TNNI3K: variants seen among roughly 807,000 people sequenced by gnomAD.
TNNI3K encodes TNNI3 interacting kinase.
Under a neutral mutation model 114.5 loss-of-function variants are expected in TNNI3K, and 140 were observed. That is an observed-to-expected ratio of 1.22 (90% CI 1.07 to 1.41). TNNI3K has a LOEUF of 1.41. Among genes scored for constraint, TNNI3K ranks in the 40% most tolerant of loss-of-function variants. TNNI3K has a pLI of 0.00. For synonymous variants in TNNI3K, 347 were observed against 347.5 expected (o/e 1.00, Z 0.02); for missense variants, 1,125 against 1,007.6 (o/e 1.12, Z -1.58).
At chr1:74,479,777 G>C (rs368983293) in intron 21 of TNNI3K, among the ~76,000 whole-genome samples, 2 of 152,286 alleles carry the variant, frequency 1.3e-5, no homozygotes, top group South Asian at 4.1e-4. Flanking sequence ...CTATCTCCTA[G>C]TGTCATAACA....
In TNNI3K at chr1:74,351,479, C is replaced by T. The variant is rs946540229; in HGVS notation, c.933-1787C>T. Among the ~76,000 whole-genome samples, 140 of 152,044 alleles carry T rather than the reference C, an allele frequency of 9.2e-4. 2 individuals are homozygous for T. Among genetic ancestry groups the T allele is most frequent in the African/African-American group, 2.8e-3 (116 of 41,444 alleles). ...CTCTTCTCGGGGAGTATCTTTGTGGCGTTCTCTGTATTTCCTGAATTTGAA... is the reference window on the plus strand; with the variant it reads ...CTCTTCTCGGGGAGTATCTTTGTGGTGTTCTCTGTATTTCCTGAATTTGAA... On this transcript the variant is annotated intron_variant, in intron 9 of 24. Transcript: ENST00000326637.
At chr1:74,435,737 T>G (rs1289826904) in intron 17 of TNNI3K, among the ~76,000 whole-genome samples, 2 of 151,802 alleles carry the variant, frequency 1.3e-5, no homozygotes, top group Non-Finnish European at 2.9e-5. Context: ...CCCATGATGC[T>G]TTTCACTCTT....
intron 20 of TNNI3K, 113 bp downstream of exon 20, chr1:74,439,735 G>A (rs373923536): frequency 6.8e-7 from 1 of 1,473,496 alleles, no homozygotes; most frequent in Non-Finnish European, 9.1e-7. Context: ...TGGCAAAAGA[G>A]GAGGTAAGCA....
At chr1:74,382,554 G>A (rs1163053294) in intron 17 of TNNI3K, among the ~76,000 whole-genome samples, 2 of 152,196 alleles carry the variant, frequency 1.3e-5, no homozygotes, top group Non-Finnish European at 2.9e-5. Context: ...ACTAAATGAT[G>A]TGGGAAACAG....
At chr1:74,512,907 CA>C in intron 23 of TNNI3K, among the ~76,000 whole-genome samples, 1 of 152,228 alleles carries the variant, frequency 6.6e-6, no homozygotes, top group Admixed American at 6.5e-5. Flanking sequence ...ACTATGTGAT[CA>C]CCTAAAGCTG....
rs985705266 is a variant in TNNI3K, at chr1:74,417,273, T to C, written c.1773-18807T>C. ...GACAGGAGCAGAATTGACTGCCGTG[T>C]TGGCTATATTTCATGTACTTCCCTG... On this transcript the variant is annotated intron_variant, in intron 17 of 24. Coordinates refer to ENST00000326637, the MANE Select transcript of TNNI3K (RefSeq NM_015978.3). Among the ~76,000 whole-genome samples the C allele has an allele frequency of 2.0e-5, 3 of 152,146 alleles. No individual in the cohort carries two copies. In the East Asian group the frequency reaches 5.8e-4, roughly 30 times the overall value.
intron 7 of TNNI3K, among the ~76,000 whole-genome samples, chr1:74,338,916 G>A (rs947981529): frequency 3.3e-5 from 5 of 152,100 alleles, no homozygotes; most frequent in Admixed American, 6.6e-5. Flanking sequence ...TGTTTAAGCA[G>A]TCTGTTTCAT....
At chr1:74,292,297 T>G (rs1657729362) in intron 5 of TNNI3K, among the ~76,000 whole-genome samples, 1 of 151,548 alleles carries the variant, frequency 6.6e-6, no homozygotes, top group Non-Finnish European at 1.5e-5. Context: ...TTCTAATTTC[T>G]TAAGATGGAT....
chr1:74,314,561 A>G (rs571413385), intron 5 of TNNI3K, among the ~76,000 whole-genome samples: 1 of 152,130 alleles, frequency 6.6e-6, no homozygotes, highest in African/African-American at 2.4e-5. Context: ...GGACAATTTC[A>G]AGACAGCAAC....
intron 17 of TNNI3K, chr1:74,378,547 C>T (rs1211110251): frequency 1.6e-5 from 2 of 128,404 alleles, no homozygotes; most frequent in Non-Finnish European, 3.3e-5. Context: ...GTTGTATGGG[C>T]CAGGCATTAG....
intron 23 of TNNI3K, among the ~76,000 whole-genome samples, chr1:74,494,421 T>A (rs1669227984): frequency 6.6e-6 from 1 of 152,198 alleles, no homozygotes; most frequent in Non-Finnish European, 1.5e-5. Flanking sequence ...AATTAAGTAT[T>A]AGTAGGTTTG....
At chr1:74,435,491 A>G (rs1666080574) in intron 17 of TNNI3K, among the ~76,000 whole-genome samples, 2 of 151,982 alleles carry the variant, frequency 1.3e-5, no homozygotes. Context: ...TTCTTGGTTG[A>G]AGGGGGACTT....
intron 2 of TNNI3K, among the ~76,000 whole-genome samples, chr1:74,245,158 G>A (rs959055227): frequency 7.2e-5 from 11 of 152,170 alleles, no homozygotes; most frequent in Non-Finnish European, 4.4e-5. Context: ...GGGGGAAGTA[G>A]CATCTGATAA....
intron 5 of TNNI3K, among the ~76,000 whole-genome samples, chr1:74,321,990 A>G (rs1224151919): frequency 6.6e-6 from 1 of 152,100 alleles, no homozygotes; most frequent in Non-Finnish European, 1.5e-5. Context: ...ATATAAATTA[A>G]AAATAGAAAA....
At chr1:74,252,435 CAAATT>C (rs897486708) in intron 4 of TNNI3K, among the ~76,000 whole-genome samples, 1 of 152,032 alleles carries the variant, frequency 6.6e-6, no homozygotes, top group Non-Finnish European at 1.5e-5. Flanking sequence ...AAGTGAAAAA[CAAATT>C]AAAGTTACTA....
chr1:74,521,564 A>T (rs532922525), intron 23 of TNNI3K, among the ~76,000 whole-genome samples: 2 of 152,184 alleles, frequency 1.3e-5, no homozygotes, highest in Admixed American at 1.3e-4. Flanking sequence ...TCAAAATTAA[A>T]TGCTACTATT....
At chr1:74,240,789 T>G (rs948444379) in intron 2 of TNNI3K, 1 of 152,100 alleles carries the variant, frequency 6.6e-6, no homozygotes, top group African/African-American at 2.4e-5. Context: ...TTTTCTTTTT[T>G]TTTTTATTAT....
At chr1:74,460,439 C>G (rs17095363) in intron 20 of TNNI3K, among the ~76,000 whole-genome samples, 4,446 of 152,284 alleles carry the variant, frequency 0.029, 199 homozygotes, top group African/African-American at 0.1. Context: ...TTTCAGGAGA[C>G]TGTTGAGAAA....
chr1:74,522,974 T>G (rs1646454193), intron 23 of TNNI3K, among the ~76,000 whole-genome samples: 1 of 152,180 alleles, frequency 6.6e-6, no homozygotes, highest in South Asian at 2.1e-4. Flanking sequence ...GAATCCAAAT[T>G]ACTAATGAGA....
Sources: allele counts gnomAD v4.1 joint callset (sites outside exome capture counted in the v4.1 genomes callset), GRCh38; gene constraint gnomAD v4.1.1; transcripts MANE v1.5; gene names NCBI Gene and HGNC (gene_info 2026-07-23, HGNC 2026-07-21).